KCNIP4: variants seen among roughly 807,000 people sequenced by gnomAD.
The protein encoded by KCNIP4 is Kv channel-interacting protein 4.
In KCNIP4, 12 loss-of-function variants were observed where a neutral mutation model predicts 34.0. That is an observed-to-expected ratio of 0.35 (90% CI 0.23 to 0.57). The LOEUF (loss-of-function observed/expected upper bound fraction) is 0.57, where lower values mean the gene tolerates loss of function less well. Among genes scored for constraint, KCNIP4 ranks in the 20% least tolerant of loss-of-function variants. The pLI, the probability that KCNIP4 is intolerant of heterozygous loss-of-function variation, is 0.83. For synonymous variants in KCNIP4, 124 were observed against 102.2 expected, an observed-to-expected ratio of 1.21 and a Z score of -1.29; for missense variants, 238 against 311.7, an observed-to-expected ratio of 0.76 and a Z score of 1.78.
At chr4:21,437,366 C>G (rs545800319) in intron 1 of KCNIP4, among the ~76,000 whole-genome samples, 33 of 152,212 alleles carry the variant, frequency 2.2e-4, no homozygotes, top group Non-Finnish European at 4.0e-4. Context: ...TTTCCAGAAG[C>G]CAATTTTTAT....
At chr4:20,881,606 G>T (rs887417805) in intron 2 of KCNIP4, among the ~76,000 whole-genome samples, 1 of 152,026 alleles carries the variant, frequency 6.6e-6, no homozygotes, top group Non-Finnish European at 1.5e-5. Flanking sequence ...AATAAGCTGA[G>T]GATTTCCTTT....
chr4:20,907,036 A>T (rs1577347813), intron 1 of KCNIP4, among the ~76,000 whole-genome samples: 1 of 152,210 alleles, frequency 6.6e-6, no homozygotes. Context: ...CACAGTAGAC[A>T]CACAATACAT....
Position 21,711,790 on chromosome 4 carries a change from C to A in KCNIP4, c.61+236781G>T, listed in dbSNP as rs548421989. The stretch of plus-strand genomic sequence containing the variant: ...CTGAGCAGTTCCAGGACTGTGAAAT[C>A]CCAATGATATCTACTTATTCTCTAT... On this transcript the variant is annotated intron_variant, in intron 1 of 8. Transcript: ENST00000382152. Among the ~76,000 whole-genome samples, 14 of 152,236 alleles carry A rather than the reference C, an allele frequency of 9.2e-5. No individual in the cohort carries two copies. The South Asian group carries it at 2.9e-3, about 32-fold the overall frequency.
At chr4:21,633,786 A>G (rs573768171) in intron 1 of KCNIP4, among the ~76,000 whole-genome samples, 6 of 152,134 alleles carry the variant, frequency 3.9e-5, no homozygotes, top group Admixed American at 2.6e-4. Context: ...ATATTTATTC[A>G]TTTTAAGATA....
At chr4:21,432,198 GA>G (rs1226971950) in intron 1 of KCNIP4, among the ~76,000 whole-genome samples, 8 of 139,826 alleles carry the variant, frequency 5.7e-5, no homozygotes, top group African/African-American at 1.8e-4. Context: ...GTTTACTGGA[GA>G]AAACCACATC....
At chr4:21,370,326 GT>G in intron 1 of KCNIP4, among the ~76,000 whole-genome samples, 1 of 146,922 alleles carries the variant, frequency 6.8e-6, no homozygotes, top group Non-Finnish European at 1.5e-5. Flanking sequence ...TTCAAAAATT[GT>G]TTATTGAGGG....
chr4:20,877,097 G>A (rs1166374829), intron 2 of KCNIP4, among the ~76,000 whole-genome samples: 1 of 152,140 alleles, frequency 6.6e-6, no homozygotes, highest in Non-Finnish European at 1.5e-5. Context: ...TTGCCCTTCT[G>A]GTTTCCCATT....
At chr4:20,862,942 G>A (rs752948084) in intron 2 of KCNIP4, among the ~76,000 whole-genome samples, 2 of 152,088 alleles carry the variant, frequency 1.3e-5, no homozygotes, top group African/African-American at 2.4e-5. Flanking sequence ...TACATAGAAG[G>A]GAACAACAGA....
rs139839445 is a variant in KCNIP4 at position 21,799,593 on chromosome 4, C to T, written c.61+148978G>A. On this transcript the variant is annotated intron_variant, in intron 1 of 8. Coordinates refer to ENST00000382152, the MANE Select transcript of KCNIP4 (RefSeq NM_025221.6). The stretch of plus-strand genomic sequence containing the variant: ...AAATTGCTTAGTTATGACTTTAACA[C>T]GTTAAAAACAAGATAGTAAATATTT... Among the ~76,000 whole-genome samples the T allele has an allele frequency of 9.2e-4, 140 of 152,148 alleles. 2 individuals are homozygous for T. Among genetic ancestry groups the T allele is most frequent in the Non-Finnish European group, 5.0e-4 (34 of 67,998 alleles).
chr4:20,857,290 A>T (rs933404592), intron 2 of KCNIP4, among the ~76,000 whole-genome samples: 2 of 152,160 alleles, frequency 1.3e-5, no homozygotes, highest in Non-Finnish European at 2.9e-5. Flanking sequence ...GGAGCACGGC[A>T]TGATCCCACG....
At chr4:21,457,168 C>T (rs2109762467) in intron 1 of KCNIP4, among the ~76,000 whole-genome samples, 1 of 152,064 alleles carries the variant, frequency 6.6e-6, no homozygotes, top group South Asian at 2.1e-4. Flanking sequence ...CCTTTGCTAC[C>T]ATCTTCATTT....
At chr4:21,293,483 C>G (rs1763659848) in intron 1 of KCNIP4, among the ~76,000 whole-genome samples, 2 of 152,174 alleles carry the variant, frequency 1.3e-5, no homozygotes, top group Non-Finnish European at 2.9e-5. Flanking sequence ...CTACTGCAGT[C>G]TACTGGAAAT....
intron 1 of KCNIP4, among the ~76,000 whole-genome samples, chr4:21,766,456 C>T (rs1204852050): frequency 3.9e-5 from 6 of 152,132 alleles, no homozygotes; most frequent in Admixed American, 3.9e-4. Flanking sequence ...CTTCCAATCT[C>T]TGTTCCCCTT....
intron 1 of KCNIP4, among the ~76,000 whole-genome samples, chr4:21,452,908 T>G (rs754393999): frequency 1.3e-4 from 20 of 152,278 alleles, no homozygotes; most frequent in Non-Finnish European, 2.6e-4. Flanking sequence ...TCTTTTGTTC[T>G]TATTTTAATT....
chr4:21,375,918 G>A (rs961013259), intron 1 of KCNIP4, among the ~76,000 whole-genome samples: 1 of 152,026 alleles, frequency 6.6e-6, no homozygotes, highest in Non-Finnish European at 1.5e-5. Context: ...AAATACTCAC[G>A]TTCAAAAAGG....
rs533285230 is a variant in KCNIP4, at chr4:21,863,882, A to C, written c.61+84689T>G. ...ATAAAGGATTATCTATTATATGTGAAGAGGCTAAGGTGTCTCGGTTTTCCT... is the reference window on the plus strand; with the variant it reads ...ATAAAGGATTATCTATTATATGTGACGAGGCTAAGGTGTCTCGGTTTTCCT... On this transcript the variant is annotated intron_variant, in intron 1 of 8. Coordinates refer to ENST00000382152, the MANE Select transcript of KCNIP4 (RefSeq NM_025221.6). 2.0e-5 allele frequency among the ~76,000 whole-genome samples: 3 copies of C among 152,334 alleles called. No homozygotes were observed. The East Asian group carries it at 5.8e-4, about 29-fold the overall frequency.
intron 1 of KCNIP4, among the ~76,000 whole-genome samples, chr4:21,487,391 C>T (rs922039442): frequency 6.6e-6 from 1 of 152,046 alleles, no homozygotes; most frequent in African/African-American, 2.4e-5. Context: ...CATTTACATC[C>T]CATCATGTCA....
chr4:21,473,617 A>G lies in KCNIP4; in HGVS notation c.61+474954T>C, dbSNP rs1730652605. On this transcript the variant is annotated intron_variant, in intron 1 of 8. Transcript: ENST00000382152. The stretch of plus-strand genomic sequence containing the variant: ...TTAATTAGAGTATATATCTTCAGTG[A>G]GCACAAGAAAACTTTAGATAAGAGT... Among the ~76,000 whole-genome samples, 2 of 152,204 alleles carry G rather than the reference A, an allele frequency of 1.3e-5. 1 individual carries two copies. The highest frequency in any genetic ancestry group is 4.1e-4 in the South Asian group (2 of 4,834).
intron 1 of KCNIP4, among the ~76,000 whole-genome samples, chr4:21,757,891 T>C (rs1717769256): frequency 6.6e-6 from 1 of 152,132 alleles, no homozygotes; most frequent in Non-Finnish European, 1.5e-5. Context: ...TGTAAGAGTA[T>C]AGTCCATGCA....
Sources: gnomAD v4.1 joint callset for allele counts (sites outside exome capture counted in the v4.1 genomes callset) on GRCh38, gnomAD v4.1.1 for gene constraint, MANE v1.5 for transcripts, NCBI Gene and HGNC (gene_info 2026-07-23, HGNC 2026-07-21) for gene names.